The following RIIAD1 variants were observed in gnomAD, a reference collection of about 807,000 sequenced individuals.
RIIAD1 encodes regulatory subunit of type II PKA R-subunit domain containing 1, also known as RIIa domain-containing protein 1.
In RIIAD1, 15 loss-of-function variants were observed where a neutral mutation model predicts 13.3. That is an observed-to-expected ratio of 1.13 (90% CI 0.76 to 1.74). The LOEUF is 1.74. Ranked by LOEUF, RIIAD1 falls within the 40% of genes most tolerant of loss-of-function variation. The pLI is 0.00. For synonymous variants in RIIAD1, 50 were observed against 43.3 expected, an observed-to-expected ratio of 1.16 and a Z score of -0.61; for missense variants, 121 against 112.2, an observed-to-expected ratio of 1.08 and a Z score of -0.35.
chr1:151,714,064 G>A (rs1477136626), intron 3 of RIIAD1, among the ~76,000 whole-genome samples: 2 of 152,174 alleles, frequency 1.3e-5, no homozygotes, highest in African/African-American at 4.8e-5. Flanking sequence ...GCTCTACCCT[G>A]ATGCTCTGTG....
At chr1:151,721,493 GGCCTCGCCGGCTCGCGGCCGGTC>G (rs1371493413), upstream of RIIAD1, 1 of 1,200,472 alleles carries the variant, frequency 8.3e-7, no homozygotes, top group Admixed American at 4.1e-5. Context: ...CCGGGGGCGG[GGCCTCGCCGGCTCGCGGCCGGTC>G]GCCTTGACGA....
At chr1:151,715,221 G>C (rs985777904) in intron 4 of RIIAD1, among the ~76,000 whole-genome samples, 1 of 151,952 alleles carries the variant, frequency 6.6e-6, no homozygotes, top group Non-Finnish European at 1.5e-5. Flanking sequence ...TGGGATCCCC[G>C]GTGTGTGGAG....
At chr1:151,728,199 G>T (rs960342364) in intron 3 of RIIAD1, among the ~76,000 whole-genome samples, 1 of 152,180 alleles carries the variant, frequency 6.6e-6, no homozygotes, top group African/African-American at 2.4e-5. Context: ...CTTTGCTAGC[G>T]CAGCAGATGC....
intron 4 of RIIAD1, chr1:151,715,744 C>A: frequency 2.5e-6 from 4 of 1,594,032 alleles, no homozygotes; most frequent in Non-Finnish European, 3.4e-6. Flanking sequence ...CTCCTCCATC[C>A]ACTTTCCTCA....
At chr1:151,723,516 A>G (rs1309984700) in intron 2 of RIIAD1, among the ~76,000 whole-genome samples, 8 of 151,288 alleles carry the variant, frequency 5.3e-5, no homozygotes, top group Admixed American at 1.3e-4. Context: ...CCTGGCCAAC[A>G]TGAGGAAACC....
intron 4 of RIIAD1, chr1:151,716,116 G>C: frequency 1.5e-6 from 2 of 1,325,180 alleles, no homozygotes; most frequent in East Asian, 2.4e-5. Context: ...GGGCCCGGGG[G>C]CCCAGCTGGG....
chr1:151,722,792 A>G (rs910842517), intron 2 of RIIAD1, among the ~76,000 whole-genome samples: 1 of 152,122 alleles, frequency 6.6e-6, no homozygotes, highest in South Asian at 2.1e-4. Flanking sequence ...TGAGCTGTCA[A>G]TCTTCTGTTA....
At chr1:151,715,585 T>G in intron 4 of RIIAD1, 1 of 1,398,584 alleles carries the variant, frequency 7.2e-7, no homozygotes, top group Non-Finnish European at 9.4e-7. Context: ...GTCCCTCCAT[T>G]CTTTCTTGAG....
At chr1:151,723,308 C>T (rs1558118848) in intron 2 of RIIAD1, among the ~76,000 whole-genome samples, 3 of 151,986 alleles carry the variant, frequency 2.0e-5, no homozygotes, top group Non-Finnish European at 4.4e-5. Flanking sequence ...GCAGGAGAAT[C>T]GCTTGAACCC....
chr1:151,721,329 A>G (rs931962375), upstream of RIIAD1, among the ~76,000 whole-genome samples: 2 of 152,218 alleles, frequency 1.3e-5, no homozygotes, highest in Non-Finnish European at 2.9e-5. Context: ...CTCATTCCAC[A>G]TACAATTAAG....
rs778688423 is a variant in RIIAD1 at position 151,714,624 on chromosome 1, G to A, written c.21+95G>A. The A allele has an allele frequency of 1.2e-4, 192 of 1,559,910 alleles. 1 individual carries two copies. Among genetic ancestry groups the A allele is most frequent in the Middle Eastern group, 1.7e-4 (1 of 6,012 alleles). ...GAAGCGTCTTCTGTTCGTGCAGGGC[G>A]CTCTGGGCCTTCAGGGCTGAATCCC... On this transcript the variant is annotated intron_variant, in intron 4 of 8. Coordinates refer to the RIIAD1 transcript ENST00000326413.
intron 2 of RIIAD1, among the ~76,000 whole-genome samples, chr1:151,724,957 G>A (rs1383387428): frequency 6.6e-6 from 1 of 151,574 alleles, no homozygotes; most frequent in Non-Finnish European, 1.5e-5. Context: ...CCGCCACCAC[G>A]CCCGGCTAAT....
At chr1:151,717,563 A>G (rs2101498192), upstream of RIIAD1, among the ~76,000 whole-genome samples, 1 of 152,336 alleles carries the variant, frequency 6.6e-6, no homozygotes, top group South Asian at 2.1e-4. Flanking sequence ...TCAGCATCTT[A>G]CTGTTCACAG....
chr1:151,716,920 C>G (rs146716037), upstream of RIIAD1: 3 of 377,836 alleles, frequency 7.9e-6, no homozygotes, highest in Admixed American at 2.9e-5. Context: ...AATCCAGGCA[C>G]GAGCCACGCC....
At chr1:151,727,752 G>C in intron 3 of RIIAD1, 131 bp downstream of exon 3, 1 of 639,546 alleles carries the variant, frequency 1.6e-6, no homozygotes. Flanking sequence ...GTCCCCAAAG[G>C]GAGCTTTTTT....
intron 2 of RIIAD1, among the ~76,000 whole-genome samples, chr1:151,722,551 C>T (rs1673757511): frequency 6.6e-6 from 1 of 152,054 alleles, no homozygotes; most frequent in Non-Finnish European, 1.5e-5. Context: ...CTTTCCTTCC[C>T]CCACCCTCCT....
intron 2 of RIIAD1, among the ~76,000 whole-genome samples, chr1:151,725,659 T>C (rs1673817396): frequency 6.6e-6 from 1 of 152,170 alleles, no homozygotes; most frequent in Non-Finnish European, 1.5e-5. Context: ...AGCACGGATT[T>C]ATTGTGCGCT....
chr1:151,721,513 G>A, upstream of RIIAD1: 1 of 1,292,250 alleles, frequency 7.7e-7, no homozygotes, highest in Non-Finnish European at 9.8e-7. Context: ...GCTCGCGGCC[G>A]GTCGCCTTGA....
At chr1:151,717,475 G>A (rs1234679292), upstream of RIIAD1, among the ~76,000 whole-genome samples, 1 of 152,252 alleles carries the variant, frequency 6.6e-6, no homozygotes, top group Non-Finnish European at 1.5e-5. Flanking sequence ...GTATAAGTGC[G>A]TGGGCAGGGA....
Sources: gnomAD v4.1 joint callset for allele counts (sites outside exome capture counted in the v4.1 genomes callset) on GRCh38, gnomAD v4.1.1 for gene constraint, MANE v1.5 for transcripts, NCBI Gene and HGNC (gene_info 2026-07-23, HGNC 2026-07-21) for gene names.